The following C11orf65 variants were observed in gnomAD, a reference collection of about 807,000 sequenced individuals.
C11orf65 encodes chromosome 11 open reading frame 65.
In C11orf65, 38 loss-of-function variants were observed where a neutral mutation model predicts 35.3. The ratio of observed to expected loss-of-function variants is 1.08; its 90% CI spans 0.83 to 1.41. The LOEUF (loss-of-function observed/expected upper bound fraction) is 1.41, where lower values mean the gene tolerates loss of function less well. Among genes scored for constraint, C11orf65 ranks in the 40% most tolerant of loss-of-function variants. C11orf65 has a pLI of 0.00. For missense variants in C11orf65, 370 were observed against 367.1 expected (o/e 1.01, Z -0.06); for synonymous variants, 105 against 114.4 (o/e 0.92, Z 0.53).
rs771001730 is a variant in C11orf65, at chr11:108,382,990, G to A, written c.*31C>T. Reference sequence around the variant, plus strand: ...ATAACTGATGGATGGAAGGCTCAAAGGGCTATAACTCAGAATAGAAATAAA... The same window carrying A: ...ATAACTGATGGATGGAAGGCTCAAAAGGCTATAACTCAGAATAGAAATAAA... On this transcript the variant is annotated 3_prime_UTR_variant, in exon 9 of 9. Coordinates refer to ENST00000393084, the MANE Select transcript of C11orf65 (RefSeq NM_152587.5). 4.4e-6 allele frequency: 7 copies of A among 1,608,186 alleles called. No individual in the cohort carries two copies. The Middle Eastern group carries it at 6.6e-4, about 152-fold the overall frequency.
At chr11:108,438,310 G>T (rs1268322946) in intron 2 of C11orf65, among the ~76,000 whole-genome samples, 1 of 152,124 alleles carries the variant, frequency 6.6e-6, no homozygotes, top group East Asian at 1.9e-4. Flanking sequence ...TCAGCAATTT[G>T]GGAGGCCGAG....
chr11:108,404,946 T>G (rs1427402032), intron 6 of C11orf65, among the ~76,000 whole-genome samples: 1 of 152,210 alleles, frequency 6.6e-6, no homozygotes, highest in African/African-American at 2.4e-5. Flanking sequence ...TCACATGACC[T>G]CGGTAACAGA....
At chr11:108,379,509 G>C (rs1377893108), downstream of C11orf65, among the ~76,000 whole-genome samples, 3 of 151,606 alleles carry the variant, frequency 2.0e-5, no homozygotes, top group Non-Finnish European at 2.9e-5. Flanking sequence ...ATAGCATTAG[G>C]AGATATACCT....
chr11:108,340,562 A>G (rs2087429355), intron 2 of C11orf65, among the ~76,000 whole-genome samples: 1 of 152,178 alleles, frequency 6.6e-6, no homozygotes, highest in South Asian at 2.1e-4. Context: ...CACCCCTGCT[A>G]TTACCACCCT....
chr11:108,399,557 T>C (rs1015898285), intron 6 of C11orf65, among the ~76,000 whole-genome samples: 4 of 152,102 alleles, frequency 2.6e-5, no homozygotes, highest in African/African-American at 4.8e-5. Context: ...CTCCAACATA[T>C]TCCCCCCTGT....
chr11:108,430,181 T>C (rs547375452), intron 3 of C11orf65, among the ~76,000 whole-genome samples: 1 of 145,590 alleles, frequency 6.9e-6, no homozygotes, highest in East Asian at 2.0e-4. Context: ...CAGGCTGGAG[T>C]GCAGTGGTGT....
chr11:108,335,837 T>A lies in C11orf65; in HGVS notation c.227-545A>T, dbSNP rs752705487. The A allele has an allele frequency of 6.2e-7, 1 of 1,607,438 alleles. No homozygotes were observed. Among genetic ancestry groups the A allele is most frequent in the African/African-American group, 1.3e-5 (1 of 74,772 alleles). On this transcript the variant is annotated intron_variant, in intron 2 of 3. Transcript: ENST00000524755. ...GTACTTGTTTATTCATGCTTAATTA[T>A]TCTGAAGGGCCGTGATGACCTGAGA... is the stretch of plus-strand genomic sequence containing the variant.
At chr11:108,369,963 G>T (rs2091508271) in intron 2 of C11orf65, among the ~76,000 whole-genome samples, 1 of 152,052 alleles carries the variant, frequency 6.6e-6, no homozygotes, top group African/African-American at 2.4e-5. Context: ...TCCTTTGTTG[G>T]TTATGTAACA....
At chr11:108,366,234 T>G (rs1212141404) in intron 2 of C11orf65, 1 of 197,712 alleles carries the variant, frequency 5.1e-6, no homozygotes, top group Non-Finnish European at 1.0e-5. Flanking sequence ...ATGTTATCTT[T>G]CTGTGATAAC....
At chr11:108,395,167 T>A (rs2092277061) in intron 6 of C11orf65, among the ~76,000 whole-genome samples, 1 of 151,064 alleles carries the variant, frequency 6.6e-6, no homozygotes, top group African/African-American at 2.4e-5. Flanking sequence ...TACTTCCTCC[T>A]AGCATTCTTG....
chr11:108,357,324 C>T (rs1434632561), intron 2 of C11orf65, among the ~76,000 whole-genome samples: 4 of 152,216 alleles, frequency 2.6e-5, no homozygotes, highest in South Asian at 2.1e-4. Context: ...ATTGCTAGCA[C>T]AGCAGTCTGA....
chr11:108,465,447 T>C (rs1336585067), intron 1 of C11orf65, among the ~76,000 whole-genome samples: 9 of 152,180 alleles, frequency 5.9e-5, no homozygotes, highest in Non-Finnish European at 1.0e-4. Flanking sequence ...ACATATTCAA[T>C]TGTGTCAAAT....
At chr11:108,432,448 G>A (rs1242975996) in intron 2 of C11orf65, among the ~76,000 whole-genome samples, 1 of 152,140 alleles carries the variant, frequency 6.6e-6, no homozygotes, top group Non-Finnish European at 1.5e-5. Flanking sequence ...ACAGGATTCT[G>A]TAATGGTAAC....
At chr11:108,343,898 A>C (rs886844643) in intron 2 of C11orf65, among the ~76,000 whole-genome samples, 1 of 152,214 alleles carries the variant, frequency 6.6e-6, no homozygotes, top group African/African-American at 2.4e-5. Flanking sequence ...CTAGTCTGAT[A>C]TTCATTCGCT....
At chr11:108,392,971 G>A (rs2092201577) in intron 7 of C11orf65, among the ~76,000 whole-genome samples, 1 of 152,136 alleles carries the variant, frequency 6.6e-6, no homozygotes, top group South Asian at 2.1e-4. Context: ...TAAAGCATAA[G>A]AATAAAGTCT....
intron 2 of C11orf65, among the ~76,000 whole-genome samples, chr11:108,340,832 A>T (rs752646237): frequency 1.3e-5 from 2 of 152,166 alleles, no homozygotes; most frequent in Non-Finnish European, 2.9e-5. Context: ...ACTGTAAATC[A>T]TCTCTGGGTT....
intron 2 of C11orf65, among the ~76,000 whole-genome samples, chr11:108,357,696 A>T (rs2090176856): frequency 6.6e-6 from 1 of 152,156 alleles, no homozygotes; most frequent in Non-Finnish European, 1.5e-5. Context: ...CTGACACCTC[A>T]CACGGCAGGG....
chr11:108,355,331 G>T (rs1591316792), intron 2 of C11orf65: 1 of 196,286 alleles, frequency 5.1e-6, no homozygotes, highest in East Asian at 1.3e-4. Context: ...CTAGTTTACT[G>T]CTGGTGCTAC....
intron 3 of C11orf65, among the ~76,000 whole-genome samples, chr11:108,416,463 C>G (rs1313455276): frequency 6.6e-6 from 1 of 152,120 alleles, no homozygotes; most frequent in East Asian, 1.9e-4. Flanking sequence ...AGGTGGATCA[C>G]TTGAGGTCAG....
Sources: gnomAD v4.1 joint callset for allele counts (sites outside exome capture counted in the v4.1 genomes callset) on GRCh38, gnomAD v4.1.1 for gene constraint, MANE v1.5 for transcripts, NCBI Gene and HGNC (gene_info 2026-07-23, HGNC 2026-07-21) for gene names.